The following UPF1 variants were observed in gnomAD, a reference collection of about 807,000 sequenced individuals.
UPF1 encodes the protein UPF1 RNA helicase and ATPase.
Under a neutral mutation model 129.2 loss-of-function variants are expected in UPF1, and 9 were observed. The observed-to-expected ratio is 0.07, with a 90% CI of 0.04 to 0.12. The LOEUF is 0.12. UPF1 is among the 10% of genes least tolerant of loss of function. The probability of loss-of-function intolerance (pLI) is 1.00; values close to 1 mark genes in which losing one functional copy is unlikely to be tolerated. For synonymous variants in UPF1, 649 were observed against 644.9 expected (o/e 1.01, Z -0.10); for missense variants, 788 against 1,525.3 (o/e 0.52, Z 8.05).
Position 18,857,496 on chromosome 19 carries a change from C to A in UPF1, c.2145C>A (p.Ile715=). The change falls in exon 15 of 24, where the codon ATC becomes ATA. Residue 715 remains isoleucine (I), a synonymous_variant. Transcript: ENST00000262803. ...CACTCAGCGCCTTCCCATCCAACAT[C>A]TTCTACGAGGGCTCCCTCCAGAATG... is the stretch of plus-strand genomic sequence containing the variant. ...HPALSAFPSN[I]FYEGSLQNGV... The A allele has an allele frequency of 6.2e-7, 1 of 1,613,908 alleles. No individual in the cohort carries two copies. Among genetic ancestry groups the A allele is most frequent in the Non-Finnish European group, 8.5e-7 (1 of 1,179,936 alleles).
Position 18,865,833 on chromosome 19 carries a change from G to A in UPF1, c.3237+55G>A. The A allele has an allele frequency of 6.2e-7, 1 of 1,604,696 alleles. No individual in the cohort carries two copies. The highest frequency in any genetic ancestry group is 8.5e-7 in the Non-Finnish European group (1 of 1,177,320). ...TGAGTGAGGGTGGGGCTATGCACCT[G>A]AAACATTCCCTCTGAAGAGCCCCAG... is the stretch of plus-strand genomic sequence containing the variant. On this transcript the variant is annotated intron_variant, in intron 22 of 23. Transcript: ENST00000262803. This position sits in a 1 kb window ranked among gnomAD's most constrained non-coding sequence, Gnocchi z 6.1.
chr19:18,840,945 G>C (rs1431118818), intron 1 of UPF1, among the ~76,000 whole-genome samples: 1 of 152,224 alleles, frequency 6.6e-6, no homozygotes, highest in Non-Finnish European at 1.5e-5. Context: ...GAGAGCCCTT[G>C]TGACAGTGAG....
intron 1 of UPF1, among the ~76,000 whole-genome samples, chr19:18,845,577 G>A (rs186267711): frequency 1.8e-4 from 27 of 152,274 alleles, no homozygotes; most frequent in African/African-American, 5.1e-4. Context: ...TGGCAGCTTC[G>A]TAGTGTTTGA....
chr19:18,845,998 C>A lies in UPF1; in HGVS notation c.250C>A (p.Leu84Met). Residue 84 changes from leucine (L) to methionine (M), a missense_variant, in exon 2 of 24, where the codon CTG (leucine) becomes ATG (methionine). Coordinates refer to ENST00000262803, the MANE Select transcript of UPF1 (RefSeq NM_002911.4). ...GCTGCAGGTTGGGCCCGAAGGCATC[C>A]TGCAGAACGGGGCTGTGGACGACAG... ...LDAQVGPEGI[L>M]QNGAVDDSVA... The A allele has an allele frequency of 6.2e-7, 1 of 1,614,106 alleles. No individual in the cohort carries two copies. Among genetic ancestry groups the A allele is most frequent in the Non-Finnish European group, 8.5e-7 (1 of 1,180,006 alleles).
intron 9 of UPF1, 68 bp downstream of exon 9, chr19:18,854,777 C>T: frequency 6.2e-7 from 1 of 1,605,542 alleles, no homozygotes; most frequent in South Asian, 1.1e-5. Flanking sequence ...TGAGCCCTCC[C>T]CGTCACTGTG....
chr19:18,855,476 G>T (rs2055707138), intron 11 of UPF1: 1 of 597,344 alleles, frequency 1.7e-6, no homozygotes, highest in Non-Finnish European at 2.9e-6. Context: ...GGCAGGGGGG[G>T]CATGGCTGCA....
intron 1 of UPF1, among the ~76,000 whole-genome samples, chr19:18,839,598 C>A (rs993366502): frequency 1.3e-5 from 2 of 152,186 alleles, no homozygotes; most frequent in Non-Finnish European, 2.9e-5. Context: ...CTGGGGAGGT[C>A]AGAAACATGG....
chr19:18,868,070 C>G lies in UPF1; in HGVS notation c.*1553C>G, dbSNP rs893526071. 1 of 159,886 alleles carries G rather than the reference C, an allele frequency of 6.3e-6. No individual in the cohort carries two copies. 9.9% of individuals were successfully genotyped at this position (159,886 alleles called of 1,614,324 possible). Reference sequence around the variant, plus strand: ...TCCCTGCCCCATCCCGGCTGTTGGGCTGGGCCGCTTTGCCTCTGCTTCGCC... The same window carrying G: ...TCCCTGCCCCATCCCGGCTGTTGGGGTGGGCCGCTTTGCCTCTGCTTCGCC... On this transcript the variant is annotated 3_prime_UTR_variant, in exon 24 of 24. Transcript: ENST00000262803.
rs909268897 is a variant in UPF1 at position 18,831,997 on chromosome 19, G to A, written c.-213G>A. On this transcript the variant is annotated 5_prime_UTR_variant, in exon 1 of 24. Coordinates refer to ENST00000262803, the MANE Select transcript of UPF1 (RefSeq NM_002911.4). ...GGCTGCGAGCGGCTGGCGGCTTCGAGGGGAGCTGAGGCGCGGAGGGGCTCG... is the reference window on the plus strand; with the variant it reads ...GGCTGCGAGCGGCTGGCGGCTTCGAAGGGAGCTGAGGCGCGGAGGGGCTCG... 3.1e-6 allele frequency: 1 copy of A among 318,198 alleles called. No homozygotes were observed. The highest frequency in any genetic ancestry group is 2.2e-5 in the African/African-American group (1 of 45,440). 19.7% of individuals were successfully genotyped at this position (318,198 alleles called of 1,614,324 possible).
intron 3 of UPF1, among the ~76,000 whole-genome samples, chr19:18,848,801 CAA>C (rs1475171501): frequency 6.6e-6 from 1 of 152,152 alleles, no homozygotes; most frequent in East Asian, 1.9e-4. Context: ...TCTGGATAAC[CAA>C]AAGACATTCT....
intron 18 of UPF1, among the ~76,000 whole-genome samples, chr19:18,862,657 C>T (rs952080533): frequency 6.6e-6 from 1 of 152,154 alleles, no homozygotes; most frequent in Non-Finnish European, 1.5e-5. Context: ...CATGGTGAAA[C>T]CTCCTCTCTA....
In UPF1 at chr19:18,853,414, AG is replaced by A; in HGVS notation, c.1156+66del. On this transcript the variant is annotated intron_variant, in intron 8 of 23. Transcript: ENST00000262803. The surrounding 1 kb of genome is among the most constrained non-coding windows in gnomAD (Gnocchi z 4.4). ...AGAGGAAAGTGGGGGCATCAGGTGGAGGCCACTGTGGATTTGATGCTCACTG... is the reference window on the plus strand; with the variant it reads ...AGAGGAAAGTGGGGGCATCAGGTGGAGCCACTGTGGATTTGATGCTCACTG... 6.8e-7 allele frequency: 1 copy of A among 1,472,660 alleles called. No individual in the cohort carries two copies. Among genetic ancestry groups the A allele is most frequent in the Non-Finnish European group, 9.2e-7 (1 of 1,091,226 alleles). 91.2% of individuals were successfully genotyped at this position (1,472,660 alleles called of 1,614,324 possible).
intron 1 of UPF1, among the ~76,000 whole-genome samples, chr19:18,834,058 T>C (rs1011872947): frequency 1.3e-5 from 2 of 152,166 alleles, no homozygotes; most frequent in African/African-American, 4.8e-5. Context: ...GAGTCTGAGC[T>C]GCGGAGGCCC....
chr19:18,836,421 ATTAC>A (rs1246237687), intron 1 of UPF1, among the ~76,000 whole-genome samples: 2 of 152,200 alleles, frequency 1.3e-5, no homozygotes, highest in Admixed American at 1.3e-4. Context: ...TCTCATAATA[ATTAC>A]TTTTTTGTAT....
At chr19:18,862,538 A>G (rs1208717446) in intron 18 of UPF1, among the ~76,000 whole-genome samples, 1 of 152,050 alleles carries the variant, frequency 6.6e-6, no homozygotes, top group Admixed American at 6.5e-5. Context: ...GTCATCCCAC[A>G]TAAAACTAGA....
At chr19:18,843,139 A>T (rs2037868421) in intron 1 of UPF1, among the ~76,000 whole-genome samples, 1 of 152,054 alleles carries the variant, frequency 6.6e-6, no homozygotes, top group Non-Finnish European at 1.5e-5. Flanking sequence ...CCTCTCTTTT[A>T]TTTAAGCCTT....
chr19:18,852,930 G>T, intron 6 of UPF1, 57 bp from the exon 7 acceptor site: 1 of 1,458,646 alleles, frequency 6.9e-7, no homozygotes, highest in Non-Finnish European at 9.5e-7. Context: ...GCATGTGGAG[G>T]CCAGGCCCGG....
chr19:18,868,014 C>G lies in UPF1; in HGVS notation c.*1497C>G, dbSNP rs12879. Reference sequence around the variant, plus strand: ...TAGAGGCATGCACCGGGTAGGTTTCCGCGGTGACCCCGCGGCGGCCTGAGG... The same window carrying G: ...TAGAGGCATGCACCGGGTAGGTTTCGGCGGTGACCCCGCGGCGGCCTGAGG... On this transcript the variant is annotated 3_prime_UTR_variant, in exon 24 of 24. Coordinates refer to ENST00000262803, the MANE Select transcript of UPF1 (RefSeq NM_002911.4). 1 of 158,316 alleles carries G rather than the reference C, an allele frequency of 6.3e-6. No homozygotes were observed. The highest frequency in any genetic ancestry group is 2.4e-5 in the African/African-American group (1 of 41,516). 9.8% of individuals were successfully genotyped at this position (158,316 alleles called of 1,614,324 possible).
chr19:18,832,241 A>G lies in UPF1; in HGVS notation c.32A>G (p.Gln11Arg). MSVEAYGPSS[Q>R]TLTFLDTEEA... ...GTGGAGGCGTACGGGCCCAGCTCGC[A>G]GACTCTCACTTTCCTGGACACGGAG... The change falls in exon 1 of 24, where the codon CAG becomes CGG. Residue 11 changes from glutamine to arginine, a missense_variant. Transcript: ENST00000262803. The surrounding 1 kb of genome is among the most constrained non-coding windows in gnomAD (Gnocchi z 5.6). 6.5e-7 allele frequency: 1 copy of G among 1,549,990 alleles called. No individual in the cohort carries two copies. Among genetic ancestry groups the G allele is most frequent in the Non-Finnish European group, 8.7e-7 (1 of 1,147,916 alleles).
Sources: allele counts gnomAD v4.1 joint callset (sites outside exome capture counted in the v4.1 genomes callset), GRCh38; gene constraint gnomAD v4.1.1; non-coding constraint Gnocchi (gnomAD v3.1); transcripts MANE v1.5; gene names NCBI Gene and HGNC (gene_info 2026-07-23, HGNC 2026-07-21).